P2RY8: variants seen among roughly 807,000 people sequenced by gnomAD.
P2RY8 encodes the protein S-geranylgeranyl-glutathione receptor P2RY8.
In P2RY8, 6 loss-of-function variants were observed where a neutral mutation model predicts 10.0. That is an observed-to-expected ratio of 0.60 (90% CI 0.33 to 1.19). The LOEUF (loss-of-function observed/expected upper bound fraction) is 1.19, where lower values mean the gene tolerates loss of function less well. Ranked by LOEUF, P2RY8 falls within the 50% of genes most tolerant of loss-of-function variation. P2RY8 has a pLI of 0.04. For synonymous variants in P2RY8, 276 were observed against 252.5 expected, an observed-to-expected ratio of 1.09 and a Z score of -0.88; for missense variants, 456 against 542.0, an observed-to-expected ratio of 0.84 and a Z score of 1.58.
intron 1 of P2RY8, among the ~76,000 whole-genome samples, chrX:1,533,918 TATATATTC>T (rs1184102938): frequency 1.6e-5 from 2 of 123,202 alleles, no homozygotes; most frequent in Non-Finnish European, 3.1e-5. Context: ...TTAAATATAT[TATATATTC>T]ATATATTATT....
chrX:1,499,897 G>C (rs1284151676), intron 1 of P2RY8, among the ~76,000 whole-genome samples: 43 of 151,376 alleles, frequency 2.8e-4, no homozygotes, highest in East Asian at 1.9e-4. Context: ...CTCGCTCTGT[G>C]GCCCAGGCTG....
chrX:1,490,818 G>A (rs1440505726), intron 1 of P2RY8, among the ~76,000 whole-genome samples: 1 of 136,008 alleles, frequency 7.4e-6, no homozygotes, highest in Admixed American at 7.6e-5. Flanking sequence ...GATATTCCCT[G>A]CAAATGTGGG....
chrX:1,508,759 TTATC>T lies in P2RY8; in HGVS notation c.-25+28158_-25+28161del, dbSNP rs1215515205. ...CTATCTATCTATCTATCTATTTCTA[TTATC>T]TATCTATCATCTATGTATCTATGTA... On this transcript the variant is annotated intron_variant, in intron 1 of 1. Coordinates refer to ENST00000381297, the MANE Select transcript of P2RY8 (RefSeq NM_178129.5). Among the ~76,000 whole-genome samples the T allele has an allele frequency of 1.8e-3, 248 of 138,874 alleles. 1 individual carries two copies. The highest frequency in any genetic ancestry group is 6.0e-3 in the African/African-American group (227 of 37,852). The allele number at this position is 138,874 out of a possible 152,430, so 91.1% of individuals were successfully genotyped here.
intron 1 of P2RY8, among the ~76,000 whole-genome samples, chrX:1,526,364 A>C (rs2092440226): frequency 6.6e-6 from 1 of 151,710 alleles, no homozygotes; most frequent in Non-Finnish European, 1.5e-5. Context: ...TCAGTCATCC[A>C]TCCATTTATC....
At chrX:1,516,711 A>G (rs2092353415) in intron 1 of P2RY8, among the ~76,000 whole-genome samples, 1 of 151,830 alleles carries the variant, frequency 6.6e-6, no homozygotes, top group Admixed American at 6.6e-5. Flanking sequence ...CACGCAGTCT[A>G]TGGTATTCTG....
chrX:1,529,139 A>G (rs1201106239), intron 1 of P2RY8, among the ~76,000 whole-genome samples: 1 of 152,088 alleles, frequency 6.6e-6, no homozygotes, highest in African/African-American at 2.4e-5. Flanking sequence ...TGGAGAATAA[A>G]TCCTCCATTT....
intron 1 of P2RY8, among the ~76,000 whole-genome samples, chrX:1,532,933 A>G (rs6588769): frequency 0.94 from 138,252 of 147,686 alleles, 65,367 homozygotes; most frequent in Non-Finnish European, 1. Flanking sequence ...AATCCGGGAG[A>G]AGGAGGTTGC....
chrX:1,509,831 A>G (rs1298118893), intron 1 of P2RY8, among the ~76,000 whole-genome samples: 2 of 143,058 alleles, frequency 1.4e-5, no homozygotes, highest in Non-Finnish European at 3.1e-5. Flanking sequence ...CTATCTATCT[A>G]TCTATCTCTA....
chrX:1,502,687 T>C (rs1217236895), intron 1 of P2RY8, among the ~76,000 whole-genome samples: 1 of 152,206 alleles, frequency 6.6e-6, no homozygotes, highest in East Asian at 1.9e-4. Flanking sequence ...TGCAGATTCA[T>C]TCCGTTGTGG....
At chrX:1,525,335 A>G (rs2092432724) in intron 1 of P2RY8, among the ~76,000 whole-genome samples, 1 of 152,156 alleles carries the variant, frequency 6.6e-6, no homozygotes, top group South Asian at 2.1e-4. Flanking sequence ...ATCATACTGC[A>G]TTTGGGTGGG....
At chrX:1,534,116 CATATATT>C (rs1377427502) in intron 1 of P2RY8, among the ~76,000 whole-genome samples, 2 of 124,118 alleles carry the variant, frequency 1.6e-5, no homozygotes, top group Non-Finnish European at 3.2e-5. Context: ...AATATATTTA[CATATATT>C]ATATATTTAT....
At chrX:1,483,904 C>A (rs2091962015) in intron 1 of P2RY8, among the ~76,000 whole-genome samples, 1 of 151,514 alleles carries the variant, frequency 6.6e-6, no homozygotes, top group South Asian at 2.1e-4. Context: ...TCTCCTAAAC[C>A]CAAACCTGAG....
intron 1 of P2RY8, among the ~76,000 whole-genome samples, chrX:1,533,587 CTT>C (rs2092498052): frequency 3.0e-4 from 1 of 3,338 alleles, no homozygotes; most frequent in South Asian, 0.028. Context: ...ATATTATATA[CTT>C]ATATATTTAT....
intron 1 of P2RY8, among the ~76,000 whole-genome samples, chrX:1,509,617 T>A (rs1226602129): frequency 3.5e-5 from 5 of 144,174 alleles, no homozygotes; most frequent in Non-Finnish European, 7.5e-5. Context: ...TATGTATCTA[T>A]CATGTATGTA....
At chrX:1,536,542 A>G (rs1438641821) in intron 1 of P2RY8, among the ~76,000 whole-genome samples, 1 of 148,496 alleles carries the variant, frequency 6.7e-6, no homozygotes, top group Admixed American at 6.7e-5. Flanking sequence ...GATTACAGGC[A>G]CCTGCCACCA....
At chrX:1,524,645 A>ATC (rs1569538712) in intron 1 of P2RY8, among the ~76,000 whole-genome samples, 3 of 42,220 alleles carry the variant, frequency 7.1e-5, no homozygotes, top group Admixed American at 2.4e-4. Flanking sequence ...ATCCATCCAT[A>ATC]CATCCATCCA....
At chrX:1,509,782 A>ATCTATCTATCTATCTATCTATCC in intron 1 of P2RY8, among the ~76,000 whole-genome samples, 1 of 38,712 alleles carries the variant, frequency 2.6e-5, no homozygotes, top group Non-Finnish European at 6.4e-5. Context: ...TCTATCTATC[A>ATCTATCTATCTATCTATCTATCC]TCTATGTATC....
chrX:1,498,055 G>C lies in P2RY8; in HGVS notation c.-24-31473C>G, dbSNP rs370256680. 2.6e-5 allele frequency among the ~76,000 whole-genome samples: 4 copies of C among 152,232 alleles called. No homozygotes were observed. The East Asian group carries it at 5.8e-4, about 22-fold the overall frequency. ...ACTGCTCCCTGCGAGCTGATTCCTGGTTTGCCCTGGAGACTCAAGCTGCTC... is the reference window on the plus strand; with the variant it reads ...ACTGCTCCCTGCGAGCTGATTCCTGCTTTGCCCTGGAGACTCAAGCTGCTC... On this transcript the variant is annotated intron_variant, in intron 1 of 1. Coordinates refer to ENST00000381297, the MANE Select transcript of P2RY8 (RefSeq NM_178129.5).
chrX:1,529,503 G>A (rs1319962348), intron 1 of P2RY8, among the ~76,000 whole-genome samples: 5 of 152,014 alleles, frequency 3.3e-5, no homozygotes, highest in African/African-American at 1.2e-4. Context: ...CAACTGGAGG[G>A]TGTACTCCTG....
Sources: allele counts gnomAD v4.1 joint callset (sites outside exome capture counted in the v4.1 genomes callset), GRCh38; gene constraint gnomAD v4.1.1; transcripts MANE v1.5; gene names NCBI Gene and HGNC (gene_info 2026-07-23, HGNC 2026-07-21).